Variants in CEP85L observed in about 807,000 individuals in gnomAD.
CEP85L encodes centrosomal protein of 85 kDa-like.
Under a neutral mutation model 100.3 loss-of-function variants are expected in CEP85L, and 60 were observed. The observed-to-expected ratio is 0.60, with a 90% confidence interval of 0.49 to 0.74. CEP85L has a LOEUF of 0.74. CEP85L is among the 30% of genes least tolerant of loss of function. The pLI is 0.00. For synonymous variants in CEP85L, 319 were observed against 322.7 expected, an observed-to-expected ratio of 0.99 and a Z score of 0.12; for missense variants, 973 against 936.2, an observed-to-expected ratio of 1.04 and a Z score of -0.51.
rs35690474 is a variant in CEP85L at position 118,680,875 on chromosome 6, CA to C, written c.-27-28068del. The stretch of plus-strand genomic sequence containing the variant: ...TGGGCGACACAGTGAGACCTTGTGT[CA>C]AAAAAAAAAAGACACTCTGAGATGA... On this transcript the variant is annotated intron_variant, in intron 1 of 13. Transcript: ENST00000368488. Among the ~76,000 whole-genome samples, 220 of 146,952 alleles carry C rather than the reference CA, an allele frequency of 1.5e-3. 1 individual carries two copies. Among genetic ancestry groups the C allele is most frequent in the Non-Finnish European group, 2.1e-3 (138 of 66,560 alleles).
intron 3 of CEP85L, among the ~76,000 whole-genome samples, chr6:118,561,468 TTAAA>T (rs1410627236): frequency 2.0e-5 from 3 of 152,106 alleles, no homozygotes; most frequent in Admixed American, 6.5e-5. Context: ...AATAAACTCT[TTAAA>T]TAATTATTCT....
intron 3 of CEP85L, among the ~76,000 whole-genome samples, chr6:118,531,756 A>T (rs1428879528): frequency 8.5e-5 from 13 of 152,200 alleles, no homozygotes; most frequent in Admixed American, 8.5e-4. Context: ...GCATATGAAA[A>T]AACATTCAAT....
chr6:118,481,722 A>G (rs1773797674), intron 8 of CEP85L, 57 bp downstream of exon 8: 1 of 1,007,236 alleles, frequency 9.9e-7, no homozygotes, highest in Admixed American at 3.2e-5. Flanking sequence ...TTTAAGTAAA[A>G]TGTTTTATGA....
At position 118,511,617 on chromosome 6, in the gene CEP85L, C is replaced by T. The variant is rs571165788; in HGVS notation, c.1140-202G>A. Among the ~76,000 whole-genome samples, 3 of 152,246 alleles carry T rather than the reference C, an allele frequency of 2.0e-5. No individual in the cohort carries two copies. The South Asian group carries it at 6.2e-4, about 32-fold the overall frequency. On this transcript the variant is annotated intron_variant, in intron 4 of 12. Transcript: ENST00000368491. ...ATATGTATGCTTAGAAATTTTAAAACTGTTTTGTGCCAGGCATGATGCTAA... is the reference window on the plus strand; with the variant it reads ...ATATGTATGCTTAGAAATTTTAAAATTGTTTTGTGCCAGGCATGATGCTAA...
chr6:118,569,755 A>G (rs1779774167), intron 2 of CEP85L, among the ~76,000 whole-genome samples: 1 of 151,888 alleles, frequency 6.6e-6, no homozygotes, highest in Non-Finnish European at 1.5e-5. Context: ...CTAAATACCC[A>G]TACATATAAA....
chr6:118,647,661 T>A lies in CEP85L; in HGVS notation c.73+3536A>T, dbSNP rs139664908. Among the ~76,000 whole-genome samples, 299 of 152,240 alleles carry A rather than the reference T, an allele frequency of 2.0e-3. 1 individual carries two copies. The highest frequency in any genetic ancestry group is 6.8e-3 in the African/African-American group (283 of 41,550). On this transcript the variant is annotated intron_variant, in intron 1 of 12. Coordinates refer to ENST00000368491, the MANE Select transcript of CEP85L (RefSeq NM_001042475.3). ...ATAGGCATGAGCCACTGCGCCTGGC[T>A]TATGTTAGTATTTTAAAAAAATTAT...
intron 1 of CEP85L, among the ~76,000 whole-genome samples, chr6:118,696,812 T>A (rs1343581164): frequency 6.6e-6 from 1 of 152,070 alleles, no homozygotes; most frequent in East Asian, 1.9e-4. Flanking sequence ...GATAGGGTGG[T>A]GCAAGAGGTA....
intron 1 of CEP85L, among the ~76,000 whole-genome samples, chr6:118,699,660 G>T (rs561386744): frequency 6.6e-6 from 1 of 151,928 alleles, no homozygotes; most frequent in South Asian, 2.1e-4. Context: ...TGCCATACCA[G>T]CTCTAGTGCT....
chr6:118,527,065 G>C (rs1222196400), intron 3 of CEP85L, among the ~76,000 whole-genome samples: 3 of 144,918 alleles, frequency 2.1e-5, no homozygotes, highest in South Asian at 4.3e-4. Flanking sequence ...GCCCAGGCTG[G>C]AGTGCGATGG....
chr6:118,697,488 C>T (rs1473351270), intron 1 of CEP85L, among the ~76,000 whole-genome samples: 1 of 152,246 alleles, frequency 6.6e-6, no homozygotes, highest in East Asian at 1.9e-4. Flanking sequence ...AATTTTCCTT[C>T]TCCACCTTCA....
intron 10 of CEP85L, among the ~76,000 whole-genome samples, chr6:118,478,840 A>G (rs532616815): frequency 1.3e-5 from 2 of 152,294 alleles, no homozygotes; most frequent in East Asian, 1.9e-4. Context: ...CAAATGGGGG[A>G]AAATGCACAT....
chr6:118,650,493 G>A (rs1034897249), intron 1 of CEP85L, among the ~76,000 whole-genome samples: 5 of 152,188 alleles, frequency 3.3e-5, no homozygotes, highest in Non-Finnish European at 7.3e-5. Context: ...TTTCCTTGAA[G>A]GGGCCACGGA....
intron 4 of CEP85L, among the ~76,000 whole-genome samples, chr6:118,523,257 A>C (rs1776768452): frequency 6.6e-6 from 1 of 152,202 alleles, no homozygotes; most frequent in Non-Finnish European, 1.5e-5. Context: ...TACTCAGGAG[A>C]CTGTCTATTA....
At chr6:118,502,155 G>C (rs1346153310) in intron 5 of CEP85L, 2 of 1,145,476 alleles carry the variant, frequency 1.7e-6, no homozygotes, top group Non-Finnish European at 2.5e-6. Flanking sequence ...ATATTCTGCA[G>C]GGGTTCAAAG....
intron 1 of CEP85L, among the ~76,000 whole-genome samples, chr6:118,636,073 G>C (rs1314442512): frequency 6.6e-6 from 1 of 152,204 alleles, no homozygotes; most frequent in Non-Finnish European, 1.5e-5. Context: ...TGCCACTGTA[G>C]TCTAAATCAG....
intron 2 of CEP85L, among the ~76,000 whole-genome samples, chr6:118,630,268 A>C (rs530320538): frequency 1.3e-5 from 2 of 152,218 alleles, no homozygotes; most frequent in African/African-American, 4.8e-5. Context: ...AATCATCAGC[A>C]TAAGTTCTTA....
chr6:118,479,530 C>T (rs1773624744), intron 10 of CEP85L, among the ~76,000 whole-genome samples: 1 of 152,098 alleles, frequency 6.6e-6, no homozygotes, highest in Non-Finnish European at 1.5e-5. Flanking sequence ...AAATGTAGCA[C>T]TCTCTAGCCT....
chr6:118,673,053 A>G (rs1776366131), intron 1 of CEP85L, among the ~76,000 whole-genome samples: 1 of 152,180 alleles, frequency 6.6e-6, no homozygotes, highest in Non-Finnish European at 1.5e-5. Flanking sequence ...CAGAAGCATG[A>G]TCTGGCCTCC....
intron 3 of CEP85L, among the ~76,000 whole-genome samples, chr6:118,542,288 T>C (rs1777938369): frequency 6.6e-6 from 1 of 152,134 alleles, no homozygotes; most frequent in African/African-American, 2.4e-5. Flanking sequence ...GTTTTAGGGT[T>C]TTTTAGAGTT....
Sources: allele counts gnomAD v4.1 joint callset (sites outside exome capture counted in the v4.1 genomes callset), GRCh38; gene constraint gnomAD v4.1.1; transcripts MANE v1.5; gene names NCBI Gene and HGNC (gene_info 2026-07-23, HGNC 2026-07-21).